MGMT: variants seen among roughly 807,000 people sequenced by gnomAD.
MGMT encodes methylated-DNA--protein-cysteine methyltransferase.
MGMT carries 14 observed loss-of-function variants against 15.9 expected under a neutral mutation model. The observed-to-expected ratio is 0.88, with a 90% CI of 0.58 to 1.37. MGMT has a LOEUF of 1.37. Ranked by LOEUF, MGMT falls within the 40% of genes most tolerant of loss-of-function variation. The pLI, the probability that MGMT is intolerant of heterozygous loss-of-function variation, is 0.00. For synonymous variants in MGMT, 130 were observed against 118.2 expected (o/e 1.10, Z -0.65); for missense variants, 282 against 268.1 (o/e 1.05, Z -0.36).
intron 1 of MGMT, among the ~76,000 whole-genome samples, chr10:129,516,129 AGTTC>A (rs1845735665): frequency 2.6e-5 from 4 of 152,158 alleles, no homozygotes; most frequent in African/African-American, 9.7e-5. Flanking sequence ...TTTTATTGTA[AGTTC>A]GTCTCTTCCC....
Position 129,764,598 on chromosome 10 carries a change from C to T in MGMT, c.415-2190C>T, listed in dbSNP as rs371244497. 2.6e-3 allele frequency among the ~76,000 whole-genome samples: 395 copies of T among 152,344 alleles called. 1 individual carries two copies. Among genetic ancestry groups the T allele is most frequent in the Middle Eastern group, 6.8e-3 (2 of 294 alleles). ...CAGTAGCTGGTTGCTTTGTCCAGTT[C>T]ACTGGCTTTGGAGGGTGGAGCGTGG... On this transcript the variant is annotated intron_variant, in intron 4 of 4. Coordinates refer to ENST00000651593, the MANE Select transcript of MGMT (RefSeq NM_002412.5).
At chr10:129,709,727 G>C (rs984946357) in intron 3 of MGMT, among the ~76,000 whole-genome samples, 5 of 152,166 alleles carry the variant, frequency 3.3e-5, no homozygotes, top group African/African-American at 4.8e-5. Flanking sequence ...AGGGGCAAAA[G>C]TTCCATGAAA....
Position 129,686,382 on chromosome 10 carries a change from A to C in MGMT, c.126-21513A>C, listed in dbSNP as rs185913360. 4.7e-3 allele frequency among the ~76,000 whole-genome samples: 709 copies of C among 152,052 alleles called. 4 individuals carry two copies. The highest frequency in any genetic ancestry group is 0.016 in the African/African-American group (648 of 41,514). On this transcript the variant is annotated intron_variant, in intron 2 of 4. Coordinates refer to ENST00000651593, the MANE Select transcript of MGMT (RefSeq NM_002412.5). ...CTGTTTTTATTTATGTATTTATTTTATTATTTTTTTGAGACAGAGTCTCGC... is the reference window on the plus strand; with the variant it reads ...CTGTTTTTATTTATGTATTTATTTTCTTATTTTTTTGAGACAGAGTCTCGC...
intron 3 of MGMT, among the ~76,000 whole-genome samples, chr10:129,728,306 G>C (rs996933581): frequency 2.0e-5 from 3 of 152,196 alleles, no homozygotes; most frequent in African/African-American, 7.2e-5. Context: ...GCATGGACGT[G>C]AGCGATGAAC....
At chr10:129,711,198 C>T (rs77707162) in intron 3 of MGMT, among the ~76,000 whole-genome samples, 2,212 of 152,278 alleles carry the variant, frequency 0.015, 44 homozygotes, top group African/African-American at 0.049. Context: ...CTCTCTGGAA[C>T]GAACATGCTG....
intron 2 of MGMT, among the ~76,000 whole-genome samples, chr10:129,665,295 C>T (rs1178446775): frequency 7.2e-6 from 1 of 139,428 alleles, no homozygotes; most frequent in African/African-American, 2.6e-5. Flanking sequence ...CCAACTCTCT[C>T]TCTCCCAACT....
intron 1 of MGMT, among the ~76,000 whole-genome samples, chr10:129,490,471 A>T (rs1845458322): frequency 6.8e-6 from 1 of 147,264 alleles, no homozygotes; most frequent in African/African-American, 2.5e-5. Flanking sequence ...TAGTGGTTTA[A>T]TTGTTTTTAA....
intron 2 of MGMT, among the ~76,000 whole-genome samples, chr10:129,614,630 G>A (rs118135642): frequency 0.026 from 3,925 of 152,314 alleles, 81 homozygotes; most frequent in South Asian, 0.06. Context: ...AGGAAGAAAC[G>A]GGGATGGGCT....
chr10:129,678,360 G>T (rs1447021270), intron 2 of MGMT, among the ~76,000 whole-genome samples: 2 of 151,954 alleles, frequency 1.3e-5, no homozygotes, highest in Non-Finnish European at 2.9e-5. Context: ...GCCCTGGCTG[G>T]GTTTCCTTCT....
At chr10:129,549,285 T>C (rs1452967325) in intron 2 of MGMT, among the ~76,000 whole-genome samples, 1 of 152,222 alleles carries the variant, frequency 6.6e-6, no homozygotes, top group African/African-American at 2.4e-5. Flanking sequence ...TGTGATATCC[T>C]CTCGTTTTTT....
intron 2 of MGMT, among the ~76,000 whole-genome samples, chr10:129,680,971 C>T (rs1354935805): frequency 1.3e-5 from 2 of 152,222 alleles, no homozygotes; most frequent in African/African-American, 2.4e-5. Context: ...AGTCCTTGTA[C>T]TGAGACAATG....
chr10:129,585,911 A>C lies in MGMT; in HGVS notation c.125+49534A>C, dbSNP rs191211499. 8.9e-3 allele frequency among the ~76,000 whole-genome samples: 1,273 copies of C among 142,670 alleles called. 21 individuals are homozygous for C. The highest frequency in any genetic ancestry group is 0.03 in the African/African-American group (1,215 of 40,920). 93.6% of individuals were successfully genotyped at this position (142,670 alleles called of 152,430 possible). A position where few individuals can be genotyped will look rare whatever the true frequency, so the allele number is the denominator to read the frequency against. ...ATCACTATTCTTGCACTTCAGGGCC[A>C]TTATTAAGTGAAATGTGGGTGACTT... On this transcript the variant is annotated intron_variant, in intron 2 of 4. Coordinates refer to ENST00000651593, the MANE Select transcript of MGMT (RefSeq NM_002412.5).
chr10:129,684,310 G>A (rs902084206), intron 2 of MGMT, among the ~76,000 whole-genome samples: 2 of 152,194 alleles, frequency 1.3e-5, no homozygotes, highest in African/African-American at 4.8e-5. Flanking sequence ...GGTTCAGACT[G>A]GCTGATGGGA....
chr10:129,518,950 G>A (rs1388992767), intron 1 of MGMT, among the ~76,000 whole-genome samples: 1 of 147,276 alleles, frequency 6.8e-6, no homozygotes, highest in Non-Finnish European at 1.5e-5. Context: ...GCATGTCTCC[G>A]CAGGAAGAGG....
chr10:129,694,689 C>T (rs1039754192), intron 2 of MGMT, among the ~76,000 whole-genome samples: 1 of 152,100 alleles, frequency 6.6e-6, no homozygotes, highest in Non-Finnish European at 1.5e-5. Flanking sequence ...TTGGATTCTT[C>T]GCTGGGTAGA....
At chr10:129,590,968 A>G (rs558241103) in intron 2 of MGMT, among the ~76,000 whole-genome samples, 3 of 152,232 alleles carry the variant, frequency 2.0e-5, no homozygotes, top group Non-Finnish European at 4.4e-5. Flanking sequence ...CATTTAGTCA[A>G]AAAGTGTCTG....
chr10:129,510,674 A>G (rs544654282), intron 1 of MGMT, among the ~76,000 whole-genome samples: 6 of 152,220 alleles, frequency 3.9e-5, no homozygotes, highest in Non-Finnish European at 8.8e-5. Context: ...CGTAAGAAAT[A>G]GATGATGGGT....
At chr10:129,656,764 A>G (rs7098548) in intron 2 of MGMT, among the ~76,000 whole-genome samples, 74,993 of 151,874 alleles carry the variant, frequency 0.49, 19,517 homozygotes, top group African/African-American at 0.67. Flanking sequence ...GGAGGCAATC[A>G]GAGATGTCTT....
chr10:129,714,513 C>T (rs966285551), intron 3 of MGMT, among the ~76,000 whole-genome samples: 4 of 152,052 alleles, frequency 2.6e-5, no homozygotes, highest in Non-Finnish European at 4.4e-5. Flanking sequence ...TATCAGAATC[C>T]TCTAGACATT....
Sources: allele counts gnomAD v4.1 joint callset (sites outside exome capture counted in the v4.1 genomes callset), GRCh38; gene constraint gnomAD v4.1.1; transcripts MANE v1.5; gene names NCBI Gene and HGNC (gene_info 2026-07-23, HGNC 2026-07-21).